Variants in MAML3 observed in about 807,000 individuals in gnomAD.
MAML3 encodes the protein mastermind like transcriptional coactivator 3, also known as mastermind-like protein 3.
In MAML3, 27 loss-of-function variants were observed where a neutral mutation model predicts 101.9. The ratio of observed to expected loss-of-function variants is 0.27; its 90% CI spans 0.20 to 0.37. The LOEUF (loss-of-function observed/expected upper bound fraction) is 0.37. MAML3 is among the 10% of genes least tolerant of loss of function. The pLI is 1.00. For synonymous variants in MAML3, 501 were observed against 555.9 expected (o/e 0.90, Z 1.39); for missense variants, 1,316 against 1,444.9 (o/e 0.91, Z 1.45).
rs2111084913 is a variant in MAML3, at chr4:139,785,721, T to C, written c.2080-55054A>G. ...AGATTTCCTGAATTTAAAATGCTAC[T>C]GAGGGTTTTGGGTGGTGGAGCTATG... On this transcript the variant is annotated intron_variant, in intron 2 of 4. Transcript: ENST00000509479. This position sits in a 1 kb window ranked among gnomAD's most constrained non-coding sequence, Gnocchi z 4.3. Among the ~76,000 whole-genome samples the C allele has an allele frequency of 6.6e-6, 1 of 152,216 alleles. No homozygotes were observed. The highest frequency in any genetic ancestry group is 1.9e-4 in the East Asian group (1 of 5,180).
intron 1 of MAML3, among the ~76,000 whole-genome samples, chr4:140,030,748 C>T (rs1363238633): frequency 1.3e-5 from 2 of 152,158 alleles, no homozygotes; most frequent in Non-Finnish European, 2.9e-5. Flanking sequence ...ACTAAGTGCT[C>T]CAGGGGTAGG....
intron 2 of MAML3, among the ~76,000 whole-genome samples, chr4:139,876,871 C>T (rs1487962679): frequency 1.3e-5 from 2 of 152,196 alleles, no homozygotes; most frequent in Non-Finnish European, 2.9e-5. Flanking sequence ...TTTTTTCTTG[C>T]ACCCCTGACT....
At chr4:139,999,472 C>T (rs1734881081) in intron 1 of MAML3, among the ~76,000 whole-genome samples, 1 of 152,204 alleles carries the variant, frequency 6.6e-6, no homozygotes, top group Admixed American at 6.5e-5. Context: ...AGTATAAATG[C>T]TTCCCCGATT....
At chr4:140,033,827 A>G (rs935456977) in intron 1 of MAML3, among the ~76,000 whole-genome samples, 129 of 152,380 alleles carry the variant, frequency 8.5e-4, no homozygotes, top group African/African-American at 2.8e-3. Context: ...ACACAATGGA[A>G]TAATGTCTGC....
chr4:139,852,187 T>A lies in MAML3; in HGVS notation c.2079+37170A>T, dbSNP rs189267385. ...TTAATCAAGCATATCCTCGCCAGGGTACTGAACAAAGCTGGATGAAAACTT... is the reference window on the plus strand; with the variant it reads ...TTAATCAAGCATATCCTCGCCAGGGAACTGAACAAAGCTGGATGAAAACTT... On this transcript the variant is annotated intron_variant, in intron 2 of 4. Coordinates refer to ENST00000509479, the MANE Select transcript of MAML3 (RefSeq NM_018717.5). 2.0e-5 allele frequency among the ~76,000 whole-genome samples: 3 copies of A among 152,254 alleles called. No individual in the cohort carries two copies. The East Asian group carries it at 5.8e-4, about 29-fold the overall frequency.
rs61737612 is a variant in MAML3 at position 139,890,110 on chromosome 4, C to A, written c.1326G>T (p.Pro442=). The A allele has an allele frequency of 5.6e-6, 9 of 1,613,726 alleles. No individual in the cohort carries two copies. Among genetic ancestry groups the A allele is most frequent in the Non-Finnish European group, 7.6e-6 (9 of 1,179,846 alleles). The change falls in exon 2 of 5, where the codon CCG becomes CCT. Residue 442 remains proline, a synonymous_variant. Transcript: ENST00000509479. This position sits in a 1 kb window ranked among gnomAD's most constrained non-coding sequence, Gnocchi z 4.1. ...CTGAACCGGCCACTGTCACTGCTGC[C>A]GGATTCAGGAGATAACCATTTCCAG... ...PRPGNGYLLN[P]AAVTVAGSAS... is the part of the protein sequence containing the mutation.
At chr4:139,925,772 G>A (rs984915159) in intron 1 of MAML3, among the ~76,000 whole-genome samples, 7 of 152,126 alleles carry the variant, frequency 4.6e-5, no homozygotes, top group South Asian at 2.1e-4. Flanking sequence ...TCTTCTGTAC[G>A]TTTGAACATT....
intron 1 of MAML3, among the ~76,000 whole-genome samples, chr4:139,987,561 T>G (rs1734564148): frequency 6.6e-6 from 1 of 152,186 alleles, no homozygotes; most frequent in South Asian, 2.1e-4. Flanking sequence ...ATAAACCTGT[T>G]CCTTCTCTTC....
chr4:140,146,722 T>C (rs1339770343), intron 1 of MAML3, among the ~76,000 whole-genome samples: 2 of 152,162 alleles, frequency 1.3e-5, no homozygotes, highest in African/African-American at 4.8e-5. Flanking sequence ...CAATGTCAAA[T>C]TGGTATGAAA....
chr4:140,003,840 G>A (rs1167631995), intron 1 of MAML3, among the ~76,000 whole-genome samples: 1 of 152,182 alleles, frequency 6.6e-6, no homozygotes, highest in Admixed American at 6.5e-5. Flanking sequence ...CTTGAATTAA[G>A]TCTGCCCCAG....
At chr4:139,895,986 A>C (rs868381328) in intron 1 of MAML3, among the ~76,000 whole-genome samples, 4 of 152,280 alleles carry the variant, frequency 2.6e-5, no homozygotes, top group Non-Finnish European at 2.9e-5. Context: ...GCTGTGCTAT[A>C]ATTTTTATGT....
chr4:139,798,034 G>GAGAGAGAGAGAGAGAA, intron 2 of MAML3, among the ~76,000 whole-genome samples: 1 of 124,584 alleles, frequency 8.0e-6, no homozygotes, highest in South Asian at 3.0e-4. Context: ...AGGAGAGAGA[G>GAGAGAGAGAGAGAGAA]AGAAAGAAAG....
At chr4:140,003,750 A>G (rs891073648) in intron 1 of MAML3, among the ~76,000 whole-genome samples, 4 of 152,236 alleles carry the variant, frequency 2.6e-5, no homozygotes, top group African/African-American at 9.6e-5. Flanking sequence ...TAGCTCAGCT[A>G]GAACTCTGTG....
chr4:139,831,259 T>C (rs1021908105), intron 2 of MAML3, among the ~76,000 whole-genome samples: 70 of 152,154 alleles, frequency 4.6e-4, no homozygotes, highest in Admixed American at 4.5e-3. Flanking sequence ...AGGGTAAAAA[T>C]TAACATTAGA....
chr4:139,722,034 G>A (rs1281408761), intron 4 of MAML3, among the ~76,000 whole-genome samples: 1 of 152,134 alleles, frequency 6.6e-6, no homozygotes, highest in African/African-American at 2.4e-5. Context: ...CAGTCTGATG[G>A]GCTGCTAGAA....
intron 2 of MAML3, among the ~76,000 whole-genome samples, chr4:139,764,579 T>C (rs1490733638): frequency 1.3e-5 from 2 of 152,234 alleles, no homozygotes; most frequent in Middle Eastern, 3.2e-3. Flanking sequence ...CTGAAGTTGC[T>C]GTGCAGATCT....
At chr4:139,868,102 G>A (rs541723550) in intron 2 of MAML3, among the ~76,000 whole-genome samples, 1 of 152,366 alleles carries the variant, frequency 6.6e-6, no homozygotes, top group East Asian at 1.9e-4. Context: ...GTGTGAGTGT[G>A]TGTGTATGTA....
At chr4:140,067,431 C>T (rs1161567247) in intron 1 of MAML3, among the ~76,000 whole-genome samples, 1 of 152,066 alleles carries the variant, frequency 6.6e-6, no homozygotes, top group South Asian at 2.1e-4. Flanking sequence ...AGACAGCATA[C>T]GTATTATTTA....
At chr4:140,145,396 A>G (rs1420598486) in intron 1 of MAML3, among the ~76,000 whole-genome samples, 2 of 152,176 alleles carry the variant, frequency 1.3e-5, no homozygotes, top group Non-Finnish European at 2.9e-5. Context: ...CAAAAGGGGG[A>G]TGAATGTTAG....
Sources: allele counts gnomAD v4.1 joint callset (sites outside exome capture counted in the v4.1 genomes callset), GRCh38; gene constraint gnomAD v4.1.1; non-coding constraint Gnocchi (gnomAD v3.1); transcripts MANE v1.5; gene names NCBI Gene and HGNC (gene_info 2026-07-23, HGNC 2026-07-21).